ITGA2: variants seen among roughly 807,000 people sequenced by gnomAD.
The protein encoded by ITGA2 is integrin alpha-2.
ITGA2 carries 101 observed loss-of-function variants against 146.3 expected under a neutral mutation model. The observed-to-expected ratio is 0.69, with a 90% CI of 0.59 to 0.81. ITGA2 has a LOEUF of 0.81. Among genes scored for constraint, ITGA2 ranks in the 40% least tolerant of loss-of-function variants. The pLI, the probability that ITGA2 is intolerant of heterozygous loss-of-function variation, is 0.00. For synonymous variants in ITGA2, 477 were observed against 487.1 expected (o/e 0.98, Z 0.27); for missense variants, 1,281 against 1,402.7 (o/e 0.91, Z 1.39).
intron 28 of ITGA2, among the ~76,000 whole-genome samples, chr5:53,087,681 CTCTGT>C (rs1484270011): frequency 6.6e-6 from 1 of 151,488 alleles, no homozygotes; most frequent in Non-Finnish European, 1.5e-5. Context: ...AACAAAGGCT[CTCTGT>C]TCTAAGAGCT....
intron 2 of ITGA2, among the ~76,000 whole-genome samples, chr5:53,030,280 A>G (rs1038004884): frequency 6.6e-6 from 1 of 152,238 alleles, no homozygotes; most frequent in African/African-American, 2.4e-5. Flanking sequence ...AAGACCAGGG[A>G]CACTGGACAT....
At chr5:53,052,517 T>C (rs1219450978) in intron 7 of ITGA2, among the ~76,000 whole-genome samples, 1 of 152,122 alleles carries the variant, frequency 6.6e-6, no homozygotes, top group Non-Finnish European at 1.5e-5. Flanking sequence ...TCTCTTTGTC[T>C]TGTGCATTCC....
rs1449180731 is a variant in ITGA2, at chr5:53,070,164, CA to C, written c.2140del (p.Arg714GlyfsTer17). On this transcript the variant is annotated frameshift_variant, in exon 17 of 30. Transcript: ENST00000296585. LOFTEE classifies it high-confidence loss of function. ...ATGGATTTTCATCCAGAGTAACCTC[CA>C]GGGGGTTATTTAAAGAAAACAATGA... ...ADGFSSRVTS[R>X]GLFKENNERC... The C allele has an allele frequency of 3.7e-6, 6 of 1,611,632 alleles. No individual in the cohort carries two copies. Among genetic ancestry groups the C allele is most frequent in the African/African-American group, 1.3e-5 (1 of 74,816 alleles).
chr5:53,027,878 T>TA (rs1240337506), intron 2 of ITGA2, among the ~76,000 whole-genome samples: 5 of 152,124 alleles, frequency 3.3e-5, no homozygotes, highest in African/African-American at 1.2e-4. Context: ...GCCTAAGAGT[T>TA]AGAGACCACC....
At chr5:53,001,572 G>A (rs1025202584) in intron 1 of ITGA2, among the ~76,000 whole-genome samples, 1 of 152,118 alleles carries the variant, frequency 6.6e-6, no homozygotes, top group African/African-American at 2.4e-5. Flanking sequence ...GACAAAAAGT[G>A]ATTCAACTCC....
intron 7 of ITGA2, among the ~76,000 whole-genome samples, chr5:53,052,508 C>T (rs896792705): frequency 7.2e-5 from 11 of 152,102 alleles, no homozygotes; most frequent in Admixed American, 7.2e-4. Context: ...CCTATTCTCT[C>T]TCTTTGTCTT....
In ITGA2 at chr5:53,090,429, G is replaced by T. The variant is rs979750072; in HGVS notation, c.3466-90G>T. On this transcript the variant is annotated intron_variant, in intron 29 of 29. Transcript: ENST00000296585. Reference sequence around the variant, plus strand: ...CAGAGCCTCAGGGATTCCCAGAGGTGCATCAGAGGACGTGGGCAGCCAAGG... The same window carrying T: ...CAGAGCCTCAGGGATTCCCAGAGGTTCATCAGAGGACGTGGGCAGCCAAGG... 11 of 996,722 alleles carry T rather than the reference G, an allele frequency of 1.1e-5. No homozygotes were observed. The African/African-American group carries it at 1.8e-4, about 16-fold the overall frequency. 61.7% of individuals were successfully genotyped at this position (996,722 alleles called of 1,614,324 possible). A position where few individuals can be genotyped will look rare whatever the true frequency, so the allele number is the denominator to read the frequency against.
rs767393287 is a variant in ITGA2, at chr5:53,067,067, C to A, written c.1944-51C>A. ...GTCCTCTATGATAAAGGATATAATA[C>A]GTGTGCTCAGTAATAACATCCATCC... On this transcript the variant is annotated intron_variant, in intron 15 of 29. Transcript: ENST00000296585. 5 of 1,573,930 alleles carry A rather than the reference C, an allele frequency of 3.2e-6. 1 individual carries two copies. Among genetic ancestry groups the A allele is most frequent in the South Asian group, 2.2e-5 (2 of 90,082 alleles).
intron 20 of ITGA2, among the ~76,000 whole-genome samples, chr5:53,074,173 G>A (rs942574812): frequency 4.6e-5 from 7 of 151,756 alleles, no homozygotes; most frequent in Non-Finnish European, 7.4e-5. Flanking sequence ...TTGTTTTGTT[G>A]GATGTTCTAG....
At chr5:53,028,893 C>A (rs1743082970) in intron 2 of ITGA2, among the ~76,000 whole-genome samples, 1 of 152,222 alleles carries the variant, frequency 6.6e-6, no homozygotes, top group African/African-American at 2.4e-5. Context: ...ACAGGCACTG[C>A]TGCAGCAGCT....
At chr5:52,989,814 G>GCGCACA (rs1554050585) in intron 1 of ITGA2, among the ~76,000 whole-genome samples, 3 of 145,868 alleles carry the variant, frequency 2.1e-5, no homozygotes, top group African/African-American at 5.0e-5. Context: ...GTACACACAC[G>GCGCACA]CACACACACA....
intron 1 of ITGA2, among the ~76,000 whole-genome samples, chr5:53,002,437 A>G (rs1385979924): frequency 6.6e-6 from 1 of 152,184 alleles, no homozygotes; most frequent in Non-Finnish European, 1.5e-5. Flanking sequence ...TGATATTTAC[A>G]TGTGATTATA....
chr5:53,030,134 G>A (rs1428061948), intron 2 of ITGA2, among the ~76,000 whole-genome samples: 1 of 152,182 alleles, frequency 6.6e-6, no homozygotes, highest in African/African-American at 2.4e-5. Context: ...GAGTTGAGAG[G>A]ATCCCACCAG....
rs1242018054 is a variant in ITGA2, at chr5:53,092,315, T to C, written c.*1716T>C. 1 of 152,102 alleles carries C rather than the reference T, an allele frequency of 6.6e-6. No individual in the cohort carries two copies. Among genetic ancestry groups the C allele is most frequent in the Non-Finnish European group, 1.5e-5 (1 of 68,012 alleles). 9.4% of individuals were successfully genotyped at this position (152,102 alleles called of 1,614,324 possible). The stretch of plus-strand genomic sequence containing the variant: ...GTTTTAAAAGTCTATGATCTGGACT[T>C]CCTATAATACAAATACACAATCCTC... On this transcript the variant is annotated 3_prime_UTR_variant, in exon 30 of 30. Transcript: ENST00000296585.
intron 9 of ITGA2, 107 bp from the exon 10 acceptor site, chr5:53,057,912 GTGTGTT>G: frequency 4.0e-6 from 3 of 753,440 alleles, no homozygotes; most frequent in Non-Finnish European, 7.2e-6. Flanking sequence ...TTGGAACAGT[GTGTGTT>G]TGTGTTTGTG....
intron 18 of ITGA2, 98 bp from the exon 19 acceptor site, chr5:53,072,515 T>C (rs1579890068): frequency 5.0e-6 from 4 of 796,388 alleles, no homozygotes; most frequent in Non-Finnish European, 4.3e-6. Flanking sequence ...TGTTTGGTTT[T>C]GTACTTTATG....
At chr5:52,994,771 TAGAG>T (rs1427916215) in intron 1 of ITGA2, among the ~76,000 whole-genome samples, 2 of 152,198 alleles carry the variant, frequency 1.3e-5, no homozygotes, top group East Asian at 3.9e-4. Flanking sequence ...TTCTATAACT[TAGAG>T]AGCTGTAACA....
chr5:53,047,744 A>G, intron 4 of ITGA2, among the ~76,000 whole-genome samples: 1 of 152,116 alleles, frequency 6.6e-6, no homozygotes. Context: ...TCTATACCTG[A>G]CCCCAAGCCC....
At chr5:53,078,182 T>C (rs1160441249) in intron 23 of ITGA2, among the ~76,000 whole-genome samples, 1 of 152,108 alleles carries the variant, frequency 6.6e-6, no homozygotes, top group East Asian at 1.9e-4. Context: ...CTCTGGATCA[T>C]CCATCTTAAA....
Sources: gnomAD v4.1 joint callset for allele counts (sites outside exome capture counted in the v4.1 genomes callset) on GRCh38, gnomAD v4.1.1 for gene constraint, MANE v1.5 for transcripts, NCBI Gene and HGNC (gene_info 2026-07-23, HGNC 2026-07-21) for gene names.